Variants in SSH3 observed in about 807,000 individuals in gnomAD.
SSH3 encodes slingshot protein phosphatase 3.
Under a neutral mutation model 75.0 loss-of-function variants are expected in SSH3, and 67 were observed. That is an observed-to-expected ratio of 0.89 (90% CI 0.73 to 1.10). The LOEUF is 1.10. Among genes scored for constraint, SSH3 ranks in the 50% least tolerant of loss-of-function variants. SSH3 has a pLI of 0.00. For synonymous variants in SSH3, 318 were observed against 349.2 expected (o/e 0.91, Z 1.00); for missense variants, 824 against 872.7 (o/e 0.94, Z 0.70).
chr11:67,306,424 G>T (rs565655864), intron 3 of SSH3, among the ~76,000 whole-genome samples: 12 of 152,242 alleles, frequency 7.9e-5, no homozygotes, highest in African/African-American at 2.9e-4. Context: ...ACATAGGGAA[G>T]ATCTCATCTC....
chr11:67,304,873 C>G lies in SSH3; in HGVS notation c.205C>G (p.Pro69Ala). The change falls in exon 3 of 14, where the codon CCG becomes GCG. Residue 69 changes from proline to alanine, a missense_variant. Transcript: ENST00000308127. Reference protein sequence around the residue: ...EASSEPTEKAPSEEELHGDQT... With the variant: ...EASSEPTEKAASEEELHGDQT... ...CAGTTCTGAGCCAACAGAGAAGGCC[C>G]CGAGTGAGGAGGAGCTCCACGGGGA... The G allele has an allele frequency of 6.2e-7, 1 of 1,613,770 alleles. No homozygotes were observed. Among genetic ancestry groups the G allele is most frequent in the South Asian group, 1.1e-5 (1 of 91,074 alleles).
rs763438342 is a variant in SSH3, at chr11:67,307,133, G to A, written c.536+20G>A. On this transcript the variant is annotated intron_variant, in intron 5 of 13. Transcript: ENST00000308127. This position sits in a 1 kb window ranked among gnomAD's most constrained non-coding sequence, Gnocchi z 4.2. Reference sequence around the variant, plus strand: ...AGACGGGTAAGCAATGGCAACTGGAGGTGGGGGCTGGAGGGTGGAATAACT... The same window carrying A: ...AGACGGGTAAGCAATGGCAACTGGAAGTGGGGGCTGGAGGGTGGAATAACT... 1.9e-6 allele frequency: 3 copies of A among 1,612,170 alleles called. No homozygotes were observed. Among genetic ancestry groups the A allele is most frequent in the Non-Finnish European group, 2.5e-6 (3 of 1,179,822 alleles).
At position 67,303,648 on chromosome 11, in the gene SSH3, G is replaced by A; in HGVS notation, c.23G>A (p.Arg8His). 1 of 1,513,886 alleles carries A rather than the reference G, an allele frequency of 6.6e-7. No homozygotes were observed. The highest frequency in any genetic ancestry group is 8.8e-7 in the Non-Finnish European group (1 of 1,137,622). The allele number at this position is 1,513,886 out of a possible 1,614,324, so 93.8% of individuals were successfully genotyped here. A position where few individuals can be genotyped will look rare whatever the true frequency, so the allele number is the denominator to read the frequency against. The change falls in exon 1 of 14, where the codon CGT becomes CAT. Residue 8 changes from arginine (R) to histidine (H), a missense_variant. Transcript: ENST00000308127. Reference sequence around the variant, plus strand: ...TCCATGGCCCTGGTCACAGTGAGCCGTTCGCCCCCGGGCAGCGGCGCCTCC... The same window carrying A: ...TCCATGGCCCTGGTCACAGTGAGCCATTCGCCCCCGGGCAGCGGCGCCTCC... Reference protein sequence around the residue: MALVTVSRSPPGSGASTP... With the variant: MALVTVSHSPPGSGASTP...
rs540037289 is a variant in SSH3 at position 67,306,943 on chromosome 11, G to A, written c.445G>A (p.Val149Met). 2.0e-5 allele frequency: 32 copies of A among 1,612,820 alleles called. No individual in the cohort carries two copies. Among genetic ancestry groups the A allele is most frequent in the South Asian group, 1.1e-4 (10 of 91,074 alleles). ...LSQDETVLLG[V>M]DFPDSSSPSC... ...CCAGGATGAGACGGTCCTCCTGGGC[G>A]TGGATTTCCCTGACAGCAGGTTCGA... The change falls in exon 4 of 14, where the codon GTG becomes ATG. Residue 149 changes from valine to methionine, a missense_variant. Val to Met is a conservative substitution (Grantham distance 21). Transcript: ENST00000308127.
chr11:67,309,941 A>C lies in SSH3; in HGVS notation c.1382A>C (p.Gln461Pro), dbSNP rs752179128. ...AACCCTGGCTTCCTGCGCCAGCTGC[A>C]GATCTACCAGGGCATCCTGACGGCC... ...RPNPGFLRQL[Q>P]IYQGILTASR... The change falls in exon 12 of 14, where the codon CAG becomes CCG. Residue 461 changes from glutamine to proline, a missense_variant. Gln to Pro is a moderately conservative substitution (Grantham distance 76, BLOSUM62 -1). Transcript: ENST00000308127. 1 of 1,610,592 alleles carries C rather than the reference A, an allele frequency of 6.2e-7. No homozygotes were observed. Among genetic ancestry groups the C allele is most frequent in the South Asian group, 1.1e-5 (1 of 91,082 alleles).
intron 3 of SSH3, among the ~76,000 whole-genome samples, chr11:67,305,400 G>A (rs1484122430): frequency 6.6e-6 from 1 of 152,144 alleles, no homozygotes; most frequent in East Asian, 1.9e-4. Flanking sequence ...GTGTTAGCCA[G>A]GGTGGTCTCA....
intron 3 of SSH3, 41 bp from the exon 4 acceptor site, chr11:67,306,797 C>T (rs1215224401): frequency 6.3e-7 from 1 of 1,575,730 alleles, no homozygotes; most frequent in Non-Finnish European, 8.6e-7. Context: ...GAGCAGGGTC[C>T]TTGGGGCCAC....
rs1861424355 is a variant in SSH3 at position 67,311,885 on chromosome 11, TGAGCCCTCACACATGCCCA to T, written c.1979_*17del. ...TGACAGTGGAGAGGAGGGCGAGGCC[TGAGCCCTCACACATGCCCA>T]CGCTCCCCTGACACTGAAGAGGATC... is the stretch of plus-strand genomic sequence containing the variant. On this transcript the variant is annotated stop_lost and 3_prime_UTR_variant, in exon 14 of 14. Transcript: ENST00000308127. 1 of 1,609,380 alleles carries T rather than the reference TGAGCCCTCACACATGCCCA, an allele frequency of 6.2e-7. No homozygotes were observed. Among genetic ancestry groups the T allele is most frequent in the South Asian group, 1.1e-5 (1 of 90,900 alleles).
intron 4 of SSH3, 26 bp downstream of exon 4, chr11:67,306,988 G>A: frequency 1.9e-6 from 3 of 1,612,732 alleles, no homozygotes; most frequent in African/African-American, 1.3e-5. Context: ...GGAAAGGAGG[G>A]GCAAAGAGGT....
chr11:67,304,516 C>A (rs1861173375), intron 2 of SSH3, among the ~76,000 whole-genome samples: 1 of 152,232 alleles, frequency 6.6e-6, no homozygotes, highest in Non-Finnish European at 1.5e-5. Context: ...GGAGCAGCCC[C>A]CTCTCCCCAC....
At position 67,311,483 on chromosome 11, in the gene SSH3, C is replaced by T. The variant is rs566259156; in HGVS notation, c.1684-108C>T. 7.7e-6 allele frequency: 11 copies of T among 1,423,630 alleles called. No individual in the cohort carries two copies. The Admixed American group carries it at 1.4e-4, about 18-fold the overall frequency. 88.2% of individuals were successfully genotyped at this position (1,423,630 alleles called of 1,614,324 possible). On this transcript the variant is annotated intron_variant, in intron 13 of 13. Coordinates refer to ENST00000308127, the MANE Select transcript of SSH3 (RefSeq NM_017857.4). ...ACAAACATTCCGGCCCTCGCCTCCT[C>T]CTGGCTCTGTGCTTGGCACCCCTGC...
Position 67,304,935 on chromosome 11 carries a change from G to C in SSH3, c.267G>C (p.Gln89His). The C allele has an allele frequency of 1.2e-6, 2 of 1,613,722 alleles. No homozygotes were observed. The highest frequency in any genetic ancestry group is 1.7e-6 in the Non-Finnish European group (2 of 1,179,976). Residue 89 changes from glutamine to histidine, a missense_variant, in exon 3 of 14, where the codon CAG becomes CAC. By Grantham distance (24) the Gln-to-His change is conservative. Coordinates refer to ENST00000308127, the MANE Select transcript of SSH3 (RefSeq NM_017857.4). Reference protein sequence around the residue: ...TDFGQGSQSPQKQEEQRQHLH... With the variant: ...TDFGQGSQSPHKQEEQRQHLH... ...TCGGGCAAGGATCCCAGAGTCCCCAGAAGCAGGAGGAGCAGAGGCAGCACC... is the reference window on the plus strand; with the variant it reads ...TCGGGCAAGGATCCCAGAGTCCCCACAAGCAGGAGGAGCAGAGGCAGCACC...
In SSH3 at chr11:67,306,930, G is replaced by A. The variant is rs528844729; in HGVS notation, c.432G>A (p.Thr144=). The stretch of plus-strand genomic sequence containing the variant: ...GAGAAGGTCTGAGCCAGGATGAGAC[G>A]GTCCTCCTGGGCGTGGATTTCCCTG... ...REGEGLSQDE[T]VLLGVDFPDS... The change falls in exon 4 of 14, where the codon ACG becomes ACA. Residue 144 remains threonine, a synonymous_variant. Transcript: ENST00000308127. The A allele has an allele frequency of 2.5e-5, 41 of 1,613,198 alleles. No homozygotes were observed. Among genetic ancestry groups the A allele is most frequent in the South Asian group, 4.4e-5 (4 of 91,066 alleles).
Position 67,310,951 on chromosome 11 carries a change from A to G in SSH3, c.1683+612A>G, listed in dbSNP as rs371199572. 2.6e-5 allele frequency among the ~76,000 whole-genome samples: 4 copies of G among 152,298 alleles called. No individual in the cohort carries two copies. The East Asian group carries it at 7.7e-4, about 29-fold the overall frequency. Reference sequence around the variant, plus strand: ...GGAGTCTGCGCACTCACGCCGCCCAAGTCCTGCCTAAGTCAGCACCCTTGA... The same window carrying G: ...GGAGTCTGCGCACTCACGCCGCCCAGGTCCTGCCTAAGTCAGCACCCTTGA... On this transcript the variant is annotated intron_variant, in intron 13 of 13. Transcript: ENST00000308127.
rs753677593 is a variant in SSH3, at chr11:67,307,735, C to G, written c.789C>G (p.Gly263=). 1 of 1,613,494 alleles carries G rather than the reference C, an allele frequency of 6.2e-7. No homozygotes were observed. The highest frequency in any genetic ancestry group is 8.5e-7 in the Non-Finnish European group (1 of 1,179,928). ...ESLRPPSAEP[G]GSSEQEQMEQ... ...TGCGGCCTCCCAGCGCCGAGCCTGG[C>G]GGGTCAGTGTGTGGAGGGGAGGGAC... The change falls in exon 7 of 14, where the codon GGC becomes GGG. Residue 263 remains glycine, a splice_region_variant and synonymous_variant. Transcript: ENST00000308127. This position sits in a 1 kb window ranked among gnomAD's most constrained non-coding sequence, Gnocchi z 4.2.
chr11:67,307,769 G>T lies in SSH3; in HGVS notation c.791+32G>T. On this transcript the variant is annotated intron_variant, in intron 7 of 13. Coordinates refer to ENST00000308127, the MANE Select transcript of SSH3 (RefSeq NM_017857.4). This position sits in a 1 kb window ranked among gnomAD's most constrained non-coding sequence, Gnocchi z 4.2. ...GTGTGGAGGGGAGGGACTGGGTGGA[G>T]GGGAAGGCAGGATAATGCAGTGGGG... is the stretch of plus-strand genomic sequence containing the variant. The T allele has an allele frequency of 6.2e-7, 1 of 1,613,832 alleles. No individual in the cohort carries two copies. Among genetic ancestry groups the T allele is most frequent in the Non-Finnish European group, 8.5e-7 (1 of 1,179,940 alleles).
intron 13 of SSH3, 118 bp from the exon 14 acceptor site, chr11:67,311,473 C>T (rs1861413859): frequency 2.2e-6 from 3 of 1,334,470 alleles, no homozygotes; most frequent in Non-Finnish European, 3.1e-6. Flanking sequence ...CATTCCGGCC[C>T]TCGCCTCCTC....
intron 13 of SSH3, among the ~76,000 whole-genome samples, chr11:67,311,302 G>A (rs963236890): frequency 2.0e-5 from 3 of 152,340 alleles, no homozygotes; most frequent in African/African-American, 7.2e-5. Flanking sequence ...GGAGGGCAGG[G>A]AGGCCTGGGT....
At position 67,303,684 on chromosome 11, in the gene SSH3, G is replaced by C. The variant is rs1016476013; in HGVS notation, c.59G>C (p.Gly20Ala). ...PPGSGASTPV[G>A]PWDQAVQRRS... ...GGCAGCGGCGCCTCCACGCCCGTGG[G>C]GCCCTGGGTGAGTGTGGTCCGGCCG... Residue 20 changes from glycine (G) to alanine (A), a missense_variant, in exon 1 of 14, where the codon GGG becomes GCG. Physicochemically the swap from Gly to Ala is moderately conservative, Grantham distance 60. Transcript: ENST00000308127. The C allele has an allele frequency of 2.0e-6, 3 of 1,509,620 alleles. No individual in the cohort carries two copies. Among genetic ancestry groups the C allele is most frequent in the Admixed American group, 4.1e-5 (2 of 48,950 alleles). The allele number at this position is 1,509,620 out of a possible 1,614,324, so 93.5% of individuals were successfully genotyped here.
Sources: allele counts gnomAD v4.1 joint callset (sites outside exome capture counted in the v4.1 genomes callset), GRCh38; gene constraint gnomAD v4.1.1; non-coding constraint Gnocchi (gnomAD v3.1); transcripts MANE v1.5; gene names NCBI Gene and HGNC (gene_info 2026-07-23, HGNC 2026-07-21).